Variants in PRPF3 observed in about 807,000 individuals in gnomAD.
PRPF3 encodes pre-mRNA processing factor 3.
A neutral mutation model predicts 89.2 loss-of-function variants in PRPF3; 3 were observed. The observed-to-expected ratio is 0.03, with a 90% CI of 0.02 to 0.09. The LOEUF (loss-of-function observed/expected upper bound fraction) is 0.09. PRPF3 is among the 10% of genes least tolerant of loss of function. The pLI is 1.00. For synonymous variants in PRPF3, 270 were observed against 289.1 expected, an observed-to-expected ratio of 0.93 and a Z score of 0.67; for missense variants, 463 against 828.8, an observed-to-expected ratio of 0.56 and a Z score of 5.42.
Position 150,335,129 on chromosome 1 carries a change from A to G in PRPF3, c.923A>G (p.Asn308Ser). Reference protein sequence around the residue: ...KEKPSEDMESNTFFDPRVSIA... With the variant: ...KEKPSEDMESSTFFDPRVSIA... Reference sequence around the variant, plus strand: ...AAGCCATCAGAAGACATGGAATCCAATACCTTTTTTGACCCCCGAGTCTCC... The same window carrying G: ...AAGCCATCAGAAGACATGGAATCCAGTACCTTTTTTGACCCCCGAGTCTCC... The change falls in exon 7 of 16, where the codon AAT becomes AGT. Residue 308 changes from asparagine (N) to serine (S), a missense_variant. By Grantham distance (46) the Asn-to-Ser change is conservative. Transcript: ENST00000324862. The G allele has an allele frequency of 1.9e-6, 3 of 1,614,130 alleles. No homozygotes were observed. The highest frequency in any genetic ancestry group is 1.7e-5 in the Admixed American group (1 of 59,990).
At chr1:150,352,663 T>G (rs192426886) in intron 15 of PRPF3, among the ~76,000 whole-genome samples, 170 bp from the exon 16 acceptor site, 2,431 of 152,272 alleles carry the variant, frequency 0.016, 31 homozygotes, top group Middle Eastern at 0.051. Flanking sequence ...AGACTCTGTC[T>G]CAGAAAAACA....
rs1553866848 is a variant in PRPF3, at chr1:150,334,999, G to A, written c.793G>A (p.Val265Ile). 1.9e-6 allele frequency: 3 copies of A among 1,614,118 alleles called. No individual in the cohort carries two copies. The highest frequency in any genetic ancestry group is 4.5e-5 in the East Asian group (2 of 44,884). Residue 265 changes from valine (V) to isoleucine (I), a missense_variant, in exon 7 of 16, where the codon GTA (valine) becomes ATA (isoleucine). By Grantham distance (29) the Val-to-Ile change is conservative (BLOSUM62 3). Around this residue, in one of 8 missense-constraint regions of PRPF3, gnomAD observed 261 missense variants for 475.8 expected, o/e 0.55. Transcript: ENST00000324862. ...PLILDEQGRT[V>I]DATGKEIELT... The stretch of plus-strand genomic sequence containing the variant: ...GATCCTGGATGAGCAAGGGCGCACT[G>A]TAGATGCAACAGGCAAGGAGATTGA...
chr1:150,333,328 G>A, intron 6 of PRPF3, 129 bp downstream of exon 6: 2 of 1,024,472 alleles, frequency 2.0e-6, no homozygotes, highest in Non-Finnish European at 2.9e-6. Flanking sequence ...GGGAGGCTGA[G>A]GTAGGTGGAT....
At chr1:150,337,297 T>G (rs889769033) in intron 7 of PRPF3, among the ~76,000 whole-genome samples, 123 of 151,518 alleles carry the variant, frequency 8.1e-4, no homozygotes, top group African/African-American at 2.8e-3. Flanking sequence ...CCTCGGCCTC[T>G]CAAAGTGCTG....
intron 8 of PRPF3, among the ~76,000 whole-genome samples, 192 bp downstream of exon 8, chr1:150,338,518 T>TG (rs1657301644): frequency 6.6e-6 from 1 of 150,392 alleles, no homozygotes; most frequent in Non-Finnish European, 1.5e-5. Flanking sequence ...TTTTTTTTTT[T>TG]GAGAGGGAGT....
At chr1:150,336,527 G>A (rs2101983904) in intron 7 of PRPF3, among the ~76,000 whole-genome samples, 1 of 152,252 alleles carries the variant, frequency 6.6e-6, no homozygotes, top group East Asian at 1.9e-4. Context: ...GGAGGCCGAG[G>A]TGGGTGGATC....
At chr1:150,344,337 G>A in intron 11 of PRPF3, 76 bp downstream of exon 11, 1 of 1,613,910 alleles carries the variant, frequency 6.2e-7, no homozygotes, top group Admixed American at 1.7e-5. Flanking sequence ...CATATTTGGA[G>A]GGAGGGGAGA....
At chr1:150,342,065 A>G (rs1456266338) in intron 9 of PRPF3, among the ~76,000 whole-genome samples, 2 of 151,934 alleles carry the variant, frequency 1.3e-5, no homozygotes, top group Non-Finnish European at 2.9e-5. Flanking sequence ...AGCTTAAAGG[A>G]AAACAACTAA....
At position 150,336,357 on chromosome 1, in the gene PRPF3, G is replaced by GT. The variant is rs1296914430; in HGVS notation, c.1035+1117dup. Reference sequence around the variant, plus strand: ...ATAATGCAGGTAATAGGGAGCAATCGTAAGTACAGATGAGACTGTTGGCTT... The same window carrying GT: ...ATAATGCAGGTAATAGGGAGCAATCGTTAAGTACAGATGAGACTGTTGGCTT... On this transcript the variant is annotated intron_variant, in intron 7 of 15. Transcript: ENST00000324862. Among the ~76,000 whole-genome samples, 5 of 152,310 alleles carry GT rather than the reference G, an allele frequency of 3.3e-5. No homozygotes were observed. The East Asian group carries it at 7.7e-4, about 23-fold the overall frequency.
chr1:150,339,304 G>C (rs1172927289), intron 8 of PRPF3, among the ~76,000 whole-genome samples: 1 of 151,736 alleles, frequency 6.6e-6, no homozygotes, highest in Non-Finnish European at 1.5e-5. Context: ...GAGCCCAGGA[G>C]GGTCTGTGCT....
At chr1:150,348,117 T>A (rs1167900865) in intron 14 of PRPF3, among the ~76,000 whole-genome samples, 4 of 152,100 alleles carry the variant, frequency 2.6e-5, no homozygotes, top group African/African-American at 4.8e-5. Flanking sequence ...GTGTGATGGC[T>A]TATGCCTGTA....
At chr1:150,350,845 C>A (rs1658853325) in intron 15 of PRPF3, among the ~76,000 whole-genome samples, 1 of 152,084 alleles carries the variant, frequency 6.6e-6, no homozygotes, top group African/African-American at 2.4e-5. Context: ...CCTGTAGTCC[C>A]AGCTACTTGA....
In PRPF3 at chr1:150,328,480, G is replaced by A; in HGVS notation, c.423+14G>A. ...ACTAAGCTCCAGGTTAGTGATTAGGGACTGGAAGCAAAGTGGTTTTGTGAG... is the reference window on the plus strand; with the variant it reads ...ACTAAGCTCCAGGTTAGTGATTAGGAACTGGAAGCAAAGTGGTTTTGTGAG... On this transcript the variant is annotated intron_variant, in intron 4 of 15. Coordinates refer to ENST00000324862, the MANE Select transcript of PRPF3 (RefSeq NM_004698.4). 1.2e-6 allele frequency: 2 copies of A among 1,611,826 alleles called. No individual in the cohort carries two copies. Among genetic ancestry groups the A allele is most frequent in the Non-Finnish European group, 1.7e-6 (2 of 1,178,804 alleles).
intron 3 of PRPF3, among the ~76,000 whole-genome samples, chr1:150,326,118 C>T (rs1560085171): frequency 1.3e-5 from 2 of 152,082 alleles, no homozygotes. Flanking sequence ...TTTTAGATAA[C>T]AGGAGTTTTG....
intron 12 of PRPF3, chr1:150,345,786 G>C (rs1572271756): frequency 9.4e-6 from 5 of 533,350 alleles, no homozygotes; most frequent in African/African-American, 1.9e-5. Flanking sequence ...AGTAAACTTT[G>C]GTTAGTAATG....
chr1:150,337,879 A>G (rs1473513308), intron 7 of PRPF3, among the ~76,000 whole-genome samples: 1 of 152,134 alleles, frequency 6.6e-6, no homozygotes, highest in African/African-American at 2.4e-5. Context: ...GTTTGAGACC[A>G]GGCTGAGCAA....
chr1:150,322,774 C>T (rs142121101), intron 1 of PRPF3, among the ~76,000 whole-genome samples: 17 of 152,200 alleles, frequency 1.1e-4, no homozygotes, highest in Non-Finnish European at 2.2e-4. Context: ...TGTCTTAAAA[C>T]ATCTTGAAAG....
intron 15 of PRPF3, among the ~76,000 whole-genome samples, chr1:150,351,852 C>A (rs1374107763): frequency 6.6e-6 from 1 of 151,884 alleles, no homozygotes; most frequent in Non-Finnish European, 1.5e-5. Context: ...CAATTTTCTT[C>A]TATTTATCTC....
At chr1:150,349,832 A>G (rs1377459085) in intron 15 of PRPF3, among the ~76,000 whole-genome samples, 1 of 126,070 alleles carries the variant, frequency 7.9e-6, no homozygotes, top group Non-Finnish European at 1.6e-5. Context: ...TAAAACCAGT[A>G]TTAATGTTTT....
Sources: allele counts gnomAD v4.1 joint callset (sites outside exome capture counted in the v4.1 genomes callset), GRCh38; gene constraint gnomAD v4.1.1; regional missense constraint gnomAD v4.1.1; transcripts MANE v1.5; gene names NCBI Gene and HGNC (gene_info 2026-07-23, HGNC 2026-07-21).